GRIK1: variants seen among roughly 807,000 people sequenced by gnomAD.
The protein encoded by GRIK1 is glutamate ionotropic receptor kainate type subunit 1, also known as glutamate receptor ionotropic, kainate 1.
Under a neutral mutation model 105.7 loss-of-function variants are expected in GRIK1, and 69 were observed. The observed-to-expected ratio is 0.65, with a 90% CI of 0.54 to 0.80. The LOEUF is 0.80. Among genes scored for constraint, GRIK1 ranks in the 30% least tolerant of loss-of-function variants. The pLI is 0.00. For missense variants in GRIK1, 1,109 were observed against 1,167.3 expected (o/e 0.95, Z 0.73); for synonymous variants, 438 against 431.3 (o/e 1.02, Z -0.19).
intron 16 of GRIK1, among the ~76,000 whole-genome samples, chr21:29,540,936 G>A (rs1465574996): frequency 6.6e-6 from 1 of 150,530 alleles, no homozygotes; most frequent in Non-Finnish European, 1.5e-5. Flanking sequence ...ATGTGATGGA[G>A]TTCACATTTC....
intron 3 of GRIK1, among the ~76,000 whole-genome samples, chr21:29,681,115 A>G (rs543441616): frequency 1.3e-5 from 2 of 152,358 alleles, no homozygotes; most frequent in South Asian, 4.1e-4. Flanking sequence ...CCTGGATGAC[A>G]GAGAAAGACT....
At chr21:29,702,336 C>T (rs2063828006) in intron 1 of GRIK1, among the ~76,000 whole-genome samples, 1 of 152,006 alleles carries the variant, frequency 6.6e-6, no homozygotes, top group African/African-American at 2.4e-5. Context: ...GAGAGGCCAG[C>T]TGTGAAGTTA....
At chr21:29,599,217 C>T (rs935308062) in intron 7 of GRIK1, among the ~76,000 whole-genome samples, 4 of 152,200 alleles carry the variant, frequency 2.6e-5, no homozygotes, top group African/African-American at 9.6e-5. Context: ...AAACAGTCTG[C>T]ACACGGAATA....
At chr21:29,576,897 G>C in intron 14 of GRIK1, 67 bp downstream of exon 14, 1 of 688,394 alleles carries the variant, frequency 1.5e-6, no homozygotes, top group Admixed American at 3.0e-5. Flanking sequence ...TTTTTTTTTC[G>C]ACAGATTCTT....
intron 3 of GRIK1, among the ~76,000 whole-genome samples, chr21:29,684,252 C>CTCTATCTATCTATCTA (rs59976698): frequency 6.7e-6 from 1 of 149,272 alleles, no homozygotes. Context: ...AATCTATCAT[C>CTCTATCTATCTATCTA]TCTATCTATC....
intron 7 of GRIK1, among the ~76,000 whole-genome samples, chr21:29,613,702 G>A (rs1388783433): frequency 1.3e-5 from 2 of 152,170 alleles, no homozygotes; most frequent in African/African-American, 4.8e-5. Flanking sequence ...GGCTAGTATG[G>A]CCAATGTAGT....
chr21:29,788,430 T>C (rs1482675641), intron 1 of GRIK1, among the ~76,000 whole-genome samples: 1 of 152,124 alleles, frequency 6.6e-6, no homozygotes, highest in Non-Finnish European at 1.5e-5. Context: ...AGGAGGCCAG[T>C]GAGCACAGTT....
intron 12 of GRIK1, among the ~76,000 whole-genome samples, chr21:29,586,398 A>G (rs1247004479): frequency 6.6e-6 from 1 of 152,196 alleles, no homozygotes; most frequent in Admixed American, 6.5e-5. Flanking sequence ...GGAAAGAGTT[A>G]CCTGGCATTA....
chr21:29,888,201 C>CTTTCTTTCTTTCTTCCTTTCTT (rs1569191676), intron 1 of GRIK1, among the ~76,000 whole-genome samples: 1 of 57,344 alleles, frequency 1.7e-5, no homozygotes, highest in Non-Finnish European at 3.7e-5. Context: ...TTCTTTCTCT[C>CTTTCTTTCTTTCTTCCTTTCTT]TCTCTCTCTC....
intron 1 of GRIK1, among the ~76,000 whole-genome samples, chr21:29,722,014 G>A (rs1229729485): frequency 6.6e-6 from 1 of 152,144 alleles, no homozygotes; most frequent in Non-Finnish European, 1.5e-5. Context: ...TCGATGAAAG[G>A]AAGAAAATTC....
intron 1 of GRIK1, among the ~76,000 whole-genome samples, chr21:29,772,705 C>A (rs1024947140): frequency 6.6e-6 from 1 of 152,078 alleles, no homozygotes; most frequent in African/African-American, 2.4e-5. Context: ...AAAAAGAGAT[C>A]CTTAAAAGGT....
intron 1 of GRIK1, among the ~76,000 whole-genome samples, chr21:29,738,925 G>A (rs1004182579): frequency 3.9e-5 from 6 of 152,144 alleles, no homozygotes; most frequent in African/African-American, 1.2e-4. Flanking sequence ...CATTTATTGC[G>A]AAATTAAACT....
intron 7 of GRIK1, among the ~76,000 whole-genome samples, chr21:29,637,592 C>T (rs2062423284): frequency 6.6e-6 from 1 of 152,152 alleles, no homozygotes; most frequent in African/African-American, 2.4e-5. Flanking sequence ...TGAGAGATTC[C>T]TTGCCCCTTT....
intron 1 of GRIK1, among the ~76,000 whole-genome samples, chr21:29,927,545 C>A (rs1172706861): frequency 6.7e-6 from 1 of 150,002 alleles, no homozygotes; most frequent in East Asian, 1.9e-4. Context: ...CAGCCATATA[C>A]ACACTTATTA....
At chr21:29,858,643 T>G (rs1294173118) in intron 1 of GRIK1, among the ~76,000 whole-genome samples, 1 of 152,124 alleles carries the variant, frequency 6.6e-6, no homozygotes. Flanking sequence ...CAGAGGAGTT[T>G]GTTTCGGGAG....
intron 1 of GRIK1, among the ~76,000 whole-genome samples, chr21:29,934,381 T>C (rs1197169093): frequency 3.3e-5 from 5 of 152,328 alleles, no homozygotes; most frequent in Admixed American, 6.5e-5. Context: ...GATCTGCTCA[T>C]TTGCAGAAAC....
chr21:29,601,916 G>A (rs1182378339), intron 7 of GRIK1, among the ~76,000 whole-genome samples: 1 of 133,064 alleles, frequency 7.5e-6, no homozygotes, highest in African/African-American at 2.9e-5. Context: ...GCTCTAATTT[G>A]TTCCAAAACA....
At chr21:29,683,279 G>C (rs1226343071) in intron 3 of GRIK1, among the ~76,000 whole-genome samples, 1 of 152,090 alleles carries the variant, frequency 6.6e-6, no homozygotes, top group African/African-American at 2.4e-5. Flanking sequence ...CCATTACTGG[G>C]TATATATCCA....
chr21:29,690,923 C>T (rs907645444), intron 2 of GRIK1, among the ~76,000 whole-genome samples: 7 of 151,954 alleles, frequency 4.6e-5, no homozygotes, highest in African/African-American at 1.7e-4. Flanking sequence ...AACACTATAG[C>T]ATGTCTTTTT....
Sources: gnomAD v4.1 joint callset for allele counts (sites outside exome capture counted in the v4.1 genomes callset) on GRCh38, gnomAD v4.1.1 for gene constraint, MANE v1.5 for transcripts, NCBI Gene and HGNC (gene_info 2026-07-23, HGNC 2026-07-21) for gene names.